The following FLRT2 variants were observed in gnomAD, a reference collection of about 807,000 sequenced individuals.
FLRT2 encodes fibronectin leucine rich transmembrane protein 2.
Under a neutral mutation model 40.0 loss-of-function variants are expected in FLRT2, and 15 were observed. The ratio of observed to expected loss-of-function variants is 0.38; its 90% confidence interval spans 0.25 to 0.58. The LOEUF (loss-of-function observed/expected upper bound fraction) is 0.58, where lower values mean the gene tolerates loss of function less well. Among genes scored for constraint, FLRT2 ranks in the 20% least tolerant of loss-of-function variants. FLRT2 has a pLI of 0.71. For synonymous variants in FLRT2, 380 were observed against 336.8 expected (o/e 1.13, Z -1.41); for missense variants, 726 against 840.0 (o/e 0.86, Z 1.68).
In FLRT2 at chr14:85,626,602, T is replaced by C. The variant is rs570090715; in HGVS notation, c.*3105T>C. 4 of 167,194 alleles carry C rather than the reference T, an allele frequency of 2.4e-5. No homozygotes were observed. Among genetic ancestry groups the C allele is most frequent in the African/African-American group, 9.6e-5 (4 of 41,590 alleles). The allele number at this position is 167,194 out of a possible 1,614,324, so 10.4% of individuals were successfully genotyped here. On this transcript the variant is annotated 3_prime_UTR_variant, in exon 2 of 2. Coordinates refer to ENST00000330753, the MANE Select transcript of FLRT2 (RefSeq NM_013231.6). ...TTGTTTGGGGAGATATGTTTGATTA[T>C]AGAGAGACTCTGGGCCACCCTCAAA...
chr14:85,639,743 G>A lies in FLRT2; in HGVS notation c.*16246G>A, dbSNP rs556602099. The stretch of plus-strand genomic sequence containing the variant: ...GACTGGCTAAGCTCTTACAATAAGT[G>A]ATGGAATGAGCTTTGAAAACACAGG... On this transcript the variant is annotated 3_prime_UTR_variant, in exon 2 of 2. Coordinates refer to ENST00000330753, the MANE Select transcript of FLRT2 (RefSeq NM_013231.6). The A allele has an allele frequency of 5.9e-5, 9 of 151,996 alleles. No homozygotes were observed. The South Asian group carries it at 6.2e-4, about 11-fold the overall frequency. 9.4% of individuals were successfully genotyped at this position (151,996 alleles called of 1,614,324 possible). A position where few individuals can be genotyped will look rare whatever the true frequency, so the allele number is the denominator to read the frequency against.
At chr14:85,531,215 C>T (rs776567449) in intron 1 of FLRT2, 1 of 152,310 alleles carries the variant, frequency 6.6e-6, no homozygotes, top group South Asian at 2.1e-4. Flanking sequence ...AGGCGGAATC[C>T]GGATCGAGTG....
Position 85,621,814 on chromosome 14 carries a change from G to A in FLRT2, c.300G>A (p.Leu100=), listed in dbSNP as rs751084522. 5 of 1,614,144 alleles carry A rather than the reference G, an allele frequency of 3.1e-6. No individual in the cohort carries two copies. The highest frequency in any genetic ancestry group is 1.7e-5 in the Admixed American group (1 of 60,020). The change falls in exon 2 of 2, where the codon CTG becomes CTA. Residue 100 remains leucine (L), a synonymous_variant. Coordinates refer to ENST00000330753, the MANE Select transcript of FLRT2 (RefSeq NM_013231.6). ...VHTVYLYGNQ[L]DEFPMNLPKN... is the part of the protein sequence containing the mutation. ...CGGTCTACCTGTATGGCAACCAACT[G>A]GACGAATTCCCCATGAACCTTCCCA...
At chr14:85,531,924 G>A (rs1459820197) in intron 1 of FLRT2, among the ~76,000 whole-genome samples, 1 of 152,224 alleles carries the variant, frequency 6.6e-6, no homozygotes, top group Non-Finnish European at 1.5e-5. Flanking sequence ...GCGGGCGTGC[G>A]TCTGGGTGGA....
At chr14:85,590,690 C>T (rs1271506187) in intron 1 of FLRT2, among the ~76,000 whole-genome samples, 1 of 152,116 alleles carries the variant, frequency 6.6e-6, no homozygotes, top group Non-Finnish European at 1.5e-5. Context: ...ACCTCTGCCT[C>T]CCCGGTTCAA....
Position 85,533,755 on chromosome 14 carries a change from C to A in FLRT2, c.-377+3221C>A, listed in dbSNP as rs548253064. Reference sequence around the variant, plus strand: ...CGTAGGGGACGTAGGCGAGAGCAAGCGAGGCGAGCTGGGCGCCCCGGCCCC... The same window carrying A: ...CGTAGGGGACGTAGGCGAGAGCAAGAGAGGCGAGCTGGGCGCCCCGGCCCC... On this transcript the variant is annotated intron_variant, in intron 1 of 1. Transcript: ENST00000330753. 4.0e-5 allele frequency among the ~76,000 whole-genome samples: 6 copies of A among 151,884 alleles called. No homozygotes were observed. The South Asian group carries it at 1.2e-3, about 31-fold the overall frequency.
At chr14:85,584,923 G>T (rs1210596144) in intron 1 of FLRT2, among the ~76,000 whole-genome samples, 2 of 151,768 alleles carry the variant, frequency 1.3e-5, no homozygotes, top group African/African-American at 4.8e-5. Flanking sequence ...GGGGGTGGGA[G>T]GTGGGTGGCA....
intron 1 of FLRT2, among the ~76,000 whole-genome samples, chr14:85,535,966 C>T (rs947080590): frequency 8.8e-6 from 1 of 113,004 alleles, no homozygotes; most frequent in African/African-American, 3.5e-5. Flanking sequence ...TGTCTTAACA[C>T]TTCAGTAGTT....
chr14:85,639,851 C>CTTTTTTTTTT lies in FLRT2; in HGVS notation c.*16360_*16369dup, dbSNP rs869148428. On this transcript the variant is annotated 3_prime_UTR_variant, in exon 2 of 2. Coordinates refer to ENST00000330753, the MANE Select transcript of FLRT2 (RefSeq NM_013231.6). ...GAAATTCTTTATTTTTTTTTTTTTC[C>CTTTTTTTTTT]TTTTTTTTTTTTTTTGAGACAGTGT... 21 of 119,244 alleles carry CTTTTTTTTTT rather than the reference C, an allele frequency of 1.8e-4. No individual in the cohort carries two copies. The highest frequency in any genetic ancestry group is 2.8e-4 in the South Asian group (1 of 3,534). The allele number at this position is 119,244 out of a possible 1,614,324, so 7.4% of individuals were successfully genotyped here. A position where few individuals can be genotyped will look rare whatever the true frequency, so the allele number is the denominator to read the frequency against.
intron 1 of FLRT2, among the ~76,000 whole-genome samples, chr14:85,602,754 T>TC (rs1892432677): frequency 6.6e-6 from 1 of 152,204 alleles, no homozygotes; most frequent in Non-Finnish European, 1.5e-5. Flanking sequence ...ACGGATGGTG[T>TC]CTTCTTTGAT....
At chr14:85,602,306 C>T (rs1398523591) in intron 1 of FLRT2, among the ~76,000 whole-genome samples, 2 of 152,308 alleles carry the variant, frequency 1.3e-5, no homozygotes, top group Middle Eastern at 6.8e-3. Context: ...AACCATTTTG[C>T]TACCACAACC....
rs77778294 is a variant in FLRT2 at position 85,553,337 on chromosome 14, G to A, written c.-377+22803G>A. On this transcript the variant is annotated intron_variant, in intron 1 of 1. Coordinates refer to ENST00000330753, the MANE Select transcript of FLRT2 (RefSeq NM_013231.6). The stretch of plus-strand genomic sequence containing the variant: ...TAAATTCCTGTGCCCAGTAATCCAC[G>A]TGCTCTCTCAGTGAGGCTATGCTGC... Among the ~76,000 whole-genome samples, 858 of 152,178 alleles carry A rather than the reference G, an allele frequency of 5.6e-3. 9 individuals are homozygous for A. The highest frequency in any genetic ancestry group is 0.019 in the African/African-American group (798 of 41,502).
intron 1 of FLRT2, among the ~76,000 whole-genome samples, chr14:85,577,030 G>C (rs1340732189): frequency 6.6e-6 from 1 of 152,198 alleles, no homozygotes; most frequent in Non-Finnish European, 1.5e-5. Flanking sequence ...GAACTGTGAA[G>C]CTATTGTTAA....
intron 1 of FLRT2, among the ~76,000 whole-genome samples, chr14:85,583,400 C>A (rs1891476310): frequency 1.3e-5 from 2 of 152,132 alleles, no homozygotes; most frequent in Admixed American, 1.3e-4. Context: ...CAGATTTTTC[C>A]TAGTTGTAGT....
At chr14:85,554,201 G>A (rs1383019005) in intron 1 of FLRT2, among the ~76,000 whole-genome samples, 9 of 152,162 alleles carry the variant, frequency 5.9e-5, no homozygotes, top group Non-Finnish European at 7.4e-5. Flanking sequence ...CAATCAACAA[G>A]TATTTACTGA....
intron 1 of FLRT2, among the ~76,000 whole-genome samples, chr14:85,581,108 T>C (rs559731406): frequency 6.6e-6 from 1 of 152,242 alleles, no homozygotes; most frequent in African/African-American, 2.4e-5. Context: ...CTGAAACCCA[T>C]GCCTTCTAAT....
rs1228119108 is a variant in FLRT2 at position 85,627,720 on chromosome 14, C to T, written c.*4223C>T. ...TAGTGTATATTCACTGAAAGTTAACCTGATGATTTGTTATTGTTTGAACCA... is the reference window on the plus strand; with the variant it reads ...TAGTGTATATTCACTGAAAGTTAACTTGATGATTTGTTATTGTTTGAACCA... On this transcript the variant is annotated 3_prime_UTR_variant, in exon 2 of 2. Transcript: ENST00000330753. 6.0e-6 allele frequency: 1 copy of T among 166,992 alleles called. No individual in the cohort carries two copies. Among genetic ancestry groups the T allele is most frequent in the South Asian group, 2.1e-4 (1 of 4,824 alleles). The allele number at this position is 166,992 out of a possible 1,614,324, so 10.3% of individuals were successfully genotyped here.
At chr14:85,577,009 C>A (rs1389463595) in intron 1 of FLRT2, among the ~76,000 whole-genome samples, 3 of 152,184 alleles carry the variant, frequency 2.0e-5, no homozygotes, top group Non-Finnish European at 4.4e-5. Flanking sequence ...TAGTTCAGGA[C>A]ATTTGTCAGT....
In FLRT2 at chr14:85,615,138, A is replaced by G. The variant is rs553002186; in HGVS notation, c.-376-6001A>G. ...CGTGCAGGCAGTAGTTGACGTGGAA[A>G]GAGGCCACCCAGTCCTGCAGTTCCA... On this transcript the variant is annotated intron_variant, in intron 1 of 1. Coordinates refer to ENST00000330753, the MANE Select transcript of FLRT2 (RefSeq NM_013231.6). Among the ~76,000 whole-genome samples, 199 of 152,304 alleles carry G rather than the reference A, an allele frequency of 1.3e-3. 1 individual carries two copies. Among genetic ancestry groups the G allele is most frequent in the African/African-American group, 4.4e-3 (185 of 41,578 alleles).
Sources: allele counts gnomAD v4.1 joint callset (sites outside exome capture counted in the v4.1 genomes callset), GRCh38; gene constraint gnomAD v4.1.1; transcripts MANE v1.5; gene names NCBI Gene and HGNC (gene_info 2026-07-23, HGNC 2026-07-21).